The following SLC39A8 variants were observed in gnomAD, a reference collection of about 807,000 sequenced individuals.
SLC39A8 encodes metal cation symporter ZIP8.
In SLC39A8, 15 loss-of-function variants were observed where a neutral mutation model predicts 40.4. The ratio of observed to expected loss-of-function variants is 0.37; its 90% CI spans 0.25 to 0.57. The LOEUF (loss-of-function observed/expected upper bound fraction) is 0.57. Among genes scored for constraint, SLC39A8 ranks in the 20% least tolerant of loss-of-function variants. The pLI is 0.75. For synonymous variants in SLC39A8, 223 were observed against 221.6 expected (o/e 1.01, Z -0.06); for missense variants, 472 against 558.8 (o/e 0.84, Z 1.57).
At chr4:102,253,428 T>A in exon 12 of SLC39A8, 1 of 716,450 alleles carries the variant, frequency 1.4e-6, no homozygotes, top group Admixed American at 2.0e-5. Context: ...ATTACTACCT[T>A]GCCTGACAGA....
chr4:102,274,304 T>C (rs1356035227), intron 6 of SLC39A8, among the ~76,000 whole-genome samples: 1 of 152,156 alleles, frequency 6.6e-6, no homozygotes, highest in South Asian at 2.1e-4. Flanking sequence ...TCGTGAAGCA[T>C]ACACAAGTAT....
intron 2 of SLC39A8, among the ~76,000 whole-genome samples, chr4:102,317,559 A>G (rs1327295106): frequency 6.6e-6 from 1 of 152,170 alleles, no homozygotes; most frequent in Non-Finnish European, 1.5e-5. Context: ...GAAAGTGTGA[A>G]CAGTTTATTC....
intron 2 of SLC39A8, among the ~76,000 whole-genome samples, chr4:102,325,062 T>C (rs1295842910): frequency 1.3e-5 from 2 of 152,024 alleles, no homozygotes; most frequent in Non-Finnish European, 2.9e-5. Context: ...CTCCCTGATA[T>C]ATACATACAT....
In SLC39A8 at chr4:102,313,848, A is replaced by G. The variant is rs1056625461; in HGVS notation, c.382+1820T>C. On this transcript the variant is annotated intron_variant, in intron 3 of 8. Coordinates refer to ENST00000356736, the MANE Select transcript of SLC39A8 (RefSeq NM_001135146.2). Reference sequence around the variant, plus strand: ...AAGCAATCCTCTGCCTTGGCCTCCCAAAGTGCTGGGATTACAGGGATGAGT... The same window carrying G: ...AAGCAATCCTCTGCCTTGGCCTCCCGAAGTGCTGGGATTACAGGGATGAGT... 2.0e-5 allele frequency among the ~76,000 whole-genome samples: 3 copies of G among 152,114 alleles called. No individual in the cohort carries two copies. The East Asian group carries it at 5.8e-4, about 30-fold the overall frequency.
chr4:102,286,440 G>T (rs1012383877), intron 6 of SLC39A8, among the ~76,000 whole-genome samples: 39 of 152,106 alleles, frequency 2.6e-4, no homozygotes, highest in African/African-American at 9.4e-4. Flanking sequence ...GATAAGTCCT[G>T]CTTGATTAGT....
At chr4:102,265,988 A>G in intron 8 of SLC39A8, among the ~76,000 whole-genome samples, 1 of 152,186 alleles carries the variant, frequency 6.6e-6, no homozygotes, top group East Asian at 1.9e-4. Flanking sequence ...TTTACCTTAT[A>G]TCTTGCTAAA....
chr4:102,321,125 G>A (rs1205226605), intron 2 of SLC39A8, among the ~76,000 whole-genome samples: 1 of 151,822 alleles, frequency 6.6e-6, no homozygotes, highest in Admixed American at 6.6e-5. Flanking sequence ...AAATCACTGT[G>A]GCAGAAATAA....
chr4:102,307,896 C>A (rs910180398), intron 3 of SLC39A8, among the ~76,000 whole-genome samples: 1 of 151,796 alleles, frequency 6.6e-6, no homozygotes, highest in African/African-American at 2.4e-5. Flanking sequence ...CAGCGAACAG[C>A]GACAAACAAT....
At chr4:102,253,517 G>T in intron 11 of SLC39A8, 1 of 612,844 alleles carries the variant, frequency 1.6e-6, no homozygotes, top group East Asian at 3.1e-5. Context: ...TAAGTTGTTA[G>T]CTTTTCTCCT....
intron 6 of SLC39A8, among the ~76,000 whole-genome samples, chr4:102,303,002 G>A (rs574124264): frequency 6.6e-6 from 1 of 152,070 alleles, no homozygotes; most frequent in Admixed American, 6.6e-5. Flanking sequence ...ATCAGGTGGA[G>A]AGAAGCATAT....
chr4:102,309,172 T>C (rs1228304239), intron 3 of SLC39A8, among the ~76,000 whole-genome samples: 1 of 152,000 alleles, frequency 6.6e-6, no homozygotes, highest in Admixed American at 6.6e-5. Flanking sequence ...TTAGTAAATG[T>C]TCATTCAGCC....
intron 2 of SLC39A8, among the ~76,000 whole-genome samples, chr4:102,320,184 T>C (rs1030729756): frequency 1.0e-5 from 1 of 95,544 alleles, no homozygotes; most frequent in Non-Finnish European, 2.3e-5. Flanking sequence ...TATATATATA[T>C]ATATATGTAT....
chr4:102,252,462 T>G (rs1271059060), exon 12 of SLC39A8: 2 of 151,940 alleles, frequency 1.3e-5, no homozygotes, highest in Non-Finnish European at 2.9e-5. Flanking sequence ...CAGGGAGGAG[T>G]TGGACATCAG....
intron 6 of SLC39A8, among the ~76,000 whole-genome samples, chr4:102,297,568 G>T: frequency 6.6e-6 from 1 of 151,988 alleles, no homozygotes; most frequent in East Asian, 1.9e-4. Flanking sequence ...ACACCTTGAG[G>T]TAGAAAAGAT....
chr4:102,266,792 G>T (rs926239434), intron 8 of SLC39A8, among the ~76,000 whole-genome samples: 1 of 152,076 alleles, frequency 6.6e-6, no homozygotes, highest in Non-Finnish European at 1.5e-5. Context: ...AGTTTCAGTA[G>T]AGACAGGGTT....
chr4:102,273,784 G>T (rs984997288), intron 6 of SLC39A8, among the ~76,000 whole-genome samples: 1 of 152,214 alleles, frequency 6.6e-6, no homozygotes, highest in Non-Finnish European at 1.5e-5. Context: ...TACAGCCAAT[G>T]CTGGTGATAC....
At chr4:102,251,354 C>T (rs1047962235) in exon 12 of SLC39A8, 1 of 152,234 alleles carries the variant, frequency 6.6e-6, no homozygotes, top group African/African-American at 2.4e-5. Flanking sequence ...CTCACATTAG[C>T]AGCTGGGATG....
At chr4:102,309,175 A>C (rs1734317141) in intron 3 of SLC39A8, among the ~76,000 whole-genome samples, 1 of 152,068 alleles carries the variant, frequency 6.6e-6, no homozygotes, top group Admixed American at 6.6e-5. Flanking sequence ...GTAAATGTTC[A>C]TTCAGCCTAG....
intron 3 of SLC39A8, among the ~76,000 whole-genome samples, chr4:102,310,366 G>A (rs1289214016): frequency 1.3e-5 from 2 of 152,000 alleles, no homozygotes; most frequent in Admixed American, 6.6e-5. Context: ...TGATATATTT[G>A]CCTACATCAT....
Sources: allele counts gnomAD v4.1 joint callset (sites outside exome capture counted in the v4.1 genomes callset), GRCh38; gene constraint gnomAD v4.1.1; transcripts MANE v1.5; gene names NCBI Gene and HGNC (gene_info 2026-07-23, HGNC 2026-07-21).